Variants in CCDC88A observed in about 807,000 individuals in gnomAD.
CCDC88A encodes the protein girdin.
In CCDC88A, 54 loss-of-function variants were observed where a neutral mutation model predicts 234.3. The observed-to-expected ratio is 0.23, with a 90% confidence interval of 0.19 to 0.29. The LOEUF is 0.29. Ranked by LOEUF, CCDC88A falls within the 10% of genes least tolerant of loss-of-function variation. CCDC88A has a pLI of 1.00. For missense variants in CCDC88A, 1,832 were observed against 2,123.4 expected, an observed-to-expected ratio of 0.86 and a Z score of 2.70; for synonymous variants, 753 against 737.8, an observed-to-expected ratio of 1.02 and a Z score of -0.33.
Position 55,418,881 on chromosome 2 carries a change from C to T in CCDC88A, c.99G>A (p.Gly33=). ...AAGCCACATATTCATCAAGGTTGGT[C>T]CCATTTCCTGCGGCCAGAGGTCCAA... ...KTFGPLAAGN[G]TNLDEYVALV... The change falls in exon 2 of 33, where the codon GGG becomes GGA. Residue 33 remains glycine, a synonymous_variant. Transcript: ENST00000436346. 2 of 1,614,124 alleles carry T rather than the reference C, an allele frequency of 1.2e-6. No individual in the cohort carries two copies. Among genetic ancestry groups the T allele is most frequent in the South Asian group, 2.2e-5 (2 of 91,080 alleles).
At chr2:55,292,519 A>G (rs1001291876) in intron 31 of CCDC88A, 2 of 152,190 alleles carry the variant, frequency 1.3e-5, no homozygotes, top group Non-Finnish European at 1.5e-5. Flanking sequence ...CATCGGTTCC[A>G]TATGATTTCT....
chr2:55,291,841 G>A (rs1474048406), intron 31 of CCDC88A, 66 bp from the exon 32 acceptor site: 2 of 1,234,434 alleles, frequency 1.6e-6, no homozygotes, highest in African/African-American at 3.0e-5. Flanking sequence ...CAGAAGATAA[G>A]AAATACACTC....
intron 9 of CCDC88A, among the ~76,000 whole-genome samples, chr2:55,348,272 C>G (rs1375775044): frequency 3.9e-5 from 5 of 129,646 alleles, no homozygotes; most frequent in African/African-American, 6.4e-5. Flanking sequence ...ACCCAAGTGA[C>G]TTAATTTTTT....
At chr2:55,404,015 T>C (rs1679156157) in intron 2 of CCDC88A, 4 of 152,210 alleles carry the variant, frequency 2.6e-5, no homozygotes. Flanking sequence ...TACAGTCACG[T>C]ATTTCCCTTG....
In CCDC88A at chr2:55,332,721, C is replaced by G; in HGVS notation, c.2728-28G>C. On this transcript the variant is annotated intron_variant, in intron 15 of 32. Transcript: ENST00000436346. The surrounding 1 kb of genome is among the most constrained non-coding windows in gnomAD (Gnocchi z 4.5). The stretch of plus-strand genomic sequence containing the variant: ...TATTTTAAAAGAAATGCAAAACTCA[C>G]CTAAGTGTCAAGGGTATAAACATCT... 6.2e-7 allele frequency: 1 copy of G among 1,607,342 alleles called. No individual in the cohort carries two copies. Among genetic ancestry groups the G allele is most frequent in the Non-Finnish European group, 8.5e-7 (1 of 1,175,986 alleles).
chr2:55,344,037 T>C, intron 11 of CCDC88A: 1 of 389,898 alleles, frequency 2.6e-6, no homozygotes, highest in South Asian at 7.7e-5. Context: ...CAACATACTG[T>C]TTTAGTGATA....
chr2:55,349,673 G>T, intron 8 of CCDC88A, 74 bp from the exon 9 acceptor site: 1 of 955,706 alleles, frequency 1.0e-6, no homozygotes. Context: ...TAATATAAAT[G>T]TATCATCATC....
chr2:55,353,277 T>G (rs1011710713), intron 8 of CCDC88A, among the ~76,000 whole-genome samples: 1 of 152,188 alleles, frequency 6.6e-6, no homozygotes, highest in Non-Finnish European at 1.5e-5. Flanking sequence ...TCTAATTGCA[T>G]GCTTTATCTA....
rs748364797 is a variant in CCDC88A at position 55,418,977 on chromosome 2, A to G, written c.63+40T>C. On this transcript the variant is annotated intron_variant, in intron 1 of 32. Transcript: ENST00000436346. ...CCCACCTCCATCTCTGCAGCCACAA[A>G]TAACTCAGCAAAATATACAATAAAG... 6 of 1,599,774 alleles carry G rather than the reference A, an allele frequency of 3.8e-6. 1 individual carries two copies. The Admixed American group carries it at 1.0e-4, about 27-fold the overall frequency.
At chr2:55,392,837 C>G (rs1203209671) in intron 2 of CCDC88A, among the ~76,000 whole-genome samples, 1 of 151,600 alleles carries the variant, frequency 6.6e-6, no homozygotes, top group Non-Finnish European at 1.5e-5. Context: ...GTGTAGGTCT[C>G]CTTTTGGAGT....
chr2:55,327,718 A>C (rs546105389), intron 17 of CCDC88A, among the ~76,000 whole-genome samples: 5 of 152,310 alleles, frequency 3.3e-5, no homozygotes, highest in African/African-American at 1.2e-4. Flanking sequence ...TCTACCATCT[A>C]CTAGCCCTGT....
chr2:55,409,914 T>C (rs1238451000), intron 2 of CCDC88A, among the ~76,000 whole-genome samples: 1 of 151,930 alleles, frequency 6.6e-6, no homozygotes, highest in Admixed American at 6.6e-5. Flanking sequence ...CTAATTTTTG[T>C]ATTTTTATTA....
intron 2 of CCDC88A, among the ~76,000 whole-genome samples, chr2:55,402,515 T>C (rs1301233183): frequency 6.6e-6 from 1 of 152,200 alleles, no homozygotes; most frequent in African/African-American, 2.4e-5. Context: ...TTAAGTGCAA[T>C]ATGGAATCTG....
chr2:55,392,750 C>T (rs1353052689), intron 2 of CCDC88A, among the ~76,000 whole-genome samples: 2 of 152,146 alleles, frequency 1.3e-5, no homozygotes, highest in African/African-American at 4.8e-5. Flanking sequence ...GTAGCTTTTC[C>T]ATACTGATAA....
chr2:55,295,798 C>A lies in CCDC88A; in HGVS notation c.5350G>T (p.Val1784Leu). 2 of 1,614,154 alleles carry A rather than the reference C, an allele frequency of 1.2e-6. No homozygotes were observed. The highest frequency in any genetic ancestry group is 1.7e-6 in the Non-Finnish European group (2 of 1,180,014). The change falls in exon 31 of 33, where the codon GTA becomes TTA. Residue 1784 changes from valine (V) to leucine (L), a missense_variant. Transcript: ENST00000436346. ...TGTCGTGACAGAGAAGATTCTTTTA[C>A]TAATTTTATTTTTCCTTGAGTGCCT... ...TPGTQGKIKL[V>L]KESSLSRQSK...
At position 55,363,218 on chromosome 2, in the gene CCDC88A, C is replaced by T. The variant is rs180912040; in HGVS notation, c.486+732G>A. Reference sequence around the variant, plus strand: ...TAATGTTACTGATAAGAAATCTGGGCTTTACAAATGCTAAATAAGAGAAAA... The same window carrying T: ...TAATGTTACTGATAAGAAATCTGGGTTTTACAAATGCTAAATAAGAGAAAA... On this transcript the variant is annotated intron_variant, in intron 6 of 32. Coordinates refer to ENST00000436346, the MANE Select transcript of CCDC88A (RefSeq NM_001365480.1). 3.3e-5 allele frequency among the ~76,000 whole-genome samples: 5 copies of T among 151,954 alleles called. No individual in the cohort carries two copies. The East Asian group carries it at 7.7e-4, about 23-fold the overall frequency.
intron 31 of CCDC88A, chr2:55,294,938 G>A: frequency 8.4e-7 from 1 of 1,190,496 alleles, no homozygotes; most frequent in Non-Finnish European, 1.1e-6. Flanking sequence ...TGAACACTGT[G>A]CAACAATTTT....
At chr2:55,413,470 A>G (rs1247979284) in intron 2 of CCDC88A, among the ~76,000 whole-genome samples, 1 of 152,198 alleles carries the variant, frequency 6.6e-6, no homozygotes, top group Non-Finnish European at 1.5e-5. Flanking sequence ...TCACATACCA[A>G]TAAGTAGCAC....
intron 3 of CCDC88A, among the ~76,000 whole-genome samples, chr2:55,383,598 G>A (rs1674968434): frequency 6.7e-6 from 1 of 148,740 alleles, no homozygotes; most frequent in Non-Finnish European, 1.5e-5. Flanking sequence ...ACTCCAGCCT[G>A]GGCAACAAAG....
Sources: gnomAD v4.1 joint callset for allele counts (sites outside exome capture counted in the v4.1 genomes callset) on GRCh38, gnomAD v4.1.1 for gene constraint, Gnocchi (gnomAD v3.1) non-coding constraint, MANE v1.5 for transcripts, NCBI Gene and HGNC (gene_info 2026-07-23, HGNC 2026-07-21) for gene names.